The following SAMD5 variants were observed in gnomAD, a reference collection of about 807,000 sequenced individuals.
SAMD5 encodes the protein sterile alpha motif domain containing 5.
Under a neutral mutation model 11.3 loss-of-function variants are expected in SAMD5, and 13 were observed. The observed-to-expected ratio is 1.15, with a 90% CI of 0.75 to 1.83. SAMD5 has a LOEUF of 1.83. SAMD5 is among the 40% of genes most tolerant of loss of function. SAMD5 has a pLI of 0.00. For synonymous variants in SAMD5, 129 were observed against 111.3 expected (o/e 1.16, Z -1.00); for missense variants, 255 against 239.1 (o/e 1.07, Z -0.44).
chr6:147,912,133 T>G, the SAMD5 span, among the ~76,000 whole-genome samples: 1 of 152,032 alleles, frequency 6.6e-6, no homozygotes, highest in Non-Finnish European at 1.5e-5. Context: ...TCTATTTCTT[T>G]TTTTTTTTAT....
At chr6:147,829,184 G>A in the SAMD5 span, among the ~76,000 whole-genome samples, 1,069 of 152,258 alleles carry the variant, frequency 7.0e-3, 6 homozygotes, top group Non-Finnish European at 9.6e-3. Flanking sequence ...TATTCTCAGC[G>A]TTCGAATAAA....
the SAMD5 span, among the ~76,000 whole-genome samples, chr6:147,753,497 A>G: frequency 1.3e-5 from 2 of 152,192 alleles, no homozygotes; most frequent in Admixed American, 6.5e-5. Flanking sequence ...AATGTAAAAT[A>G]AGCATATCAT....
At position 147,568,629 on chromosome 6, in the gene SAMD5, G is replaced by C. The variant is rs181924997; in HGVS notation, c.*4173G>C. On this transcript the variant is annotated 3_prime_UTR_variant, in exon 2 of 2. Transcript: ENST00000367474. ...CTTGTGCTTACAGTAAAGCCATATA[G>C]ATGCACACATAGTGACTTTATTAAA... is the stretch of plus-strand genomic sequence containing the variant. 6 of 985,220 alleles carry C rather than the reference G, an allele frequency of 6.1e-6. No individual in the cohort carries two copies. In the Admixed American group the frequency reaches 3.1e-4, roughly 50 times the overall value. The allele number at this position is 985,220 out of a possible 1,614,324, so 61.0% of individuals were successfully genotyped here.
At chr6:147,593,697 A>T (rs1249059100) in intron 1 of SAMD5, among the ~76,000 whole-genome samples, 1 of 152,212 alleles carries the variant, frequency 6.6e-6, no homozygotes, top group Non-Finnish European at 1.5e-5. Context: ...CATCAAAGTT[A>T]GACTCTGCTG....
chr6:147,607,161 A>AT (rs1045911466), intron 1 of SAMD5, among the ~76,000 whole-genome samples: 5 of 152,082 alleles, frequency 3.3e-5, no homozygotes, highest in African/African-American at 9.7e-5. Flanking sequence ...AGAAGTTTGA[A>AT]TTTTTTTAAA....
intron 1 of SAMD5, among the ~76,000 whole-genome samples, chr6:147,648,827 A>C (rs1277439345): frequency 1.3e-5 from 2 of 152,220 alleles, no homozygotes; most frequent in African/African-American, 4.8e-5. Context: ...TTCTGCATTT[A>C]TGTACCAGTT....
At chr6:147,746,685 G>C in the SAMD5 span, among the ~76,000 whole-genome samples, 2 of 152,174 alleles carry the variant, frequency 1.3e-5, no homozygotes, top group African/African-American at 2.4e-5. Context: ...TATCATGGAA[G>C]GTCTCAGAAG....
At chr6:147,826,192 T>C in the SAMD5 span, among the ~76,000 whole-genome samples, 1 of 152,262 alleles carries the variant, frequency 6.6e-6, no homozygotes, top group African/African-American at 2.4e-5. Flanking sequence ...ATGTGCATTT[T>C]AGAAAGACAG....
intron 1 of SAMD5, among the ~76,000 whole-genome samples, chr6:147,718,982 C>A (rs572540513): frequency 6.6e-6 from 1 of 152,186 alleles, no homozygotes; most frequent in African/African-American, 2.4e-5. Flanking sequence ...TGAGCCACCG[C>A]GCCCGGCCGA....
At position 147,602,473 on chromosome 6, in the gene SAMD5, G is replaced by T. The variant is rs1789632650; in HGVS notation, c.162+93086G>T. On this transcript the variant is annotated intron_variant, in intron 1 of 1. Transcript: ENST00000566741. Reference sequence around the variant, plus strand: ...ATTCTCACCCAATAGGCCAGGCGTGGTGGCTCAGGCCTGTAATCCCAGCAC... The same window carrying T: ...ATTCTCACCCAATAGGCCAGGCGTGTTGGCTCAGGCCTGTAATCCCAGCAC... 3.3e-5 allele frequency among the ~76,000 whole-genome samples: 5 copies of T among 152,204 alleles called. No homozygotes were observed. In the South Asian group the frequency reaches 8.3e-4, roughly 25 times the overall value.
chr6:147,914,782 A>T, the SAMD5 span, among the ~76,000 whole-genome samples: 2 of 152,240 alleles, frequency 1.3e-5, no homozygotes, highest in African/African-American at 4.8e-5. Context: ...AATTATTGCC[A>T]TCAATGAGAC....
chr6:147,796,958 A>T, the SAMD5 span, among the ~76,000 whole-genome samples: 6 of 147,202 alleles, frequency 4.1e-5, no homozygotes, highest in Non-Finnish European at 8.9e-5. Context: ...CAGCTTAAGG[A>T]GATTTTGGGC....
At position 147,566,325 on chromosome 6, in the gene SAMD5, T is replaced by G; in HGVS notation, c.*1869T>G. 3.1e-6 allele frequency: 3 copies of G among 980,280 alleles called. No homozygotes were observed. Among genetic ancestry groups the G allele is most frequent in the Non-Finnish European group, 3.6e-6 (3 of 824,966 alleles). The allele number at this position is 980,280 out of a possible 1,614,324, so 60.7% of individuals were successfully genotyped here. On this transcript the variant is annotated 3_prime_UTR_variant, in exon 2 of 2. Transcript: ENST00000367474. ...CCAAATGAACTAGGGTCTTTAAAATTCCTAAGTAGATTCTTTTGAGTGGTA... is the reference window on the plus strand; with the variant it reads ...CCAAATGAACTAGGGTCTTTAAAATGCCTAAGTAGATTCTTTTGAGTGGTA...
At chr6:147,627,046 CCTTAGAACTA>C (rs1583112855) in intron 1 of SAMD5, among the ~76,000 whole-genome samples, 1 of 152,098 alleles carries the variant, frequency 6.6e-6, no homozygotes, top group East Asian at 1.9e-4. Context: ...AAGGCAATGG[CCTTAGAACTA>C]CTCAGAAAAT....
chr6:147,536,263 G>A lies in SAMD5; in HGVS notation c.459+26876G>A, dbSNP rs140732687. ...CTTCCAAAGTGCTGGAATTACAGGC[G>A]TGAGCCACTGCGTCCGGCCAAGAAA... On this transcript the variant is annotated intron_variant, in intron 1 of 1. Transcript: ENST00000367474. 5.6e-3 allele frequency among the ~76,000 whole-genome samples: 855 copies of A among 152,226 alleles called. 5 individuals carry two copies. The highest frequency in any genetic ancestry group is 0.02 in the African/African-American group (812 of 41,532).
chr6:147,525,193 C>G (rs1330471825), intron 1 of SAMD5, among the ~76,000 whole-genome samples: 2 of 150,474 alleles, frequency 1.3e-5, no homozygotes, highest in Non-Finnish European at 3.0e-5. Flanking sequence ...CCCTCAAGAA[C>G]TTATTGTGGC....
At chr6:147,705,509 C>G (rs1791313618) in intron 1 of SAMD5, among the ~76,000 whole-genome samples, 1 of 152,070 alleles carries the variant, frequency 6.6e-6, no homozygotes, top group Admixed American at 6.5e-5. Flanking sequence ...AAAGAAACTT[C>G]AGATTTCTGC....
rs140577406 is a variant in SAMD5 at position 147,731,048 on chromosome 6, G to A, written c.163-6269G>A. On this transcript the variant is annotated intron_variant, in intron 1 of 1. Transcript: ENST00000566741. ...AGGCGTGGCTCTTCTAAGCACTTAA[G>A]TAACTCAGTCTTCACCACCACCTTA... Among the ~76,000 whole-genome samples the A allele has an allele frequency of 1.1e-3, 163 of 152,270 alleles. 3 individuals are homozygous for A. Among genetic ancestry groups the A allele is most frequent in the African/African-American group, 3.6e-3 (151 of 41,548 alleles).
the SAMD5 span, among the ~76,000 whole-genome samples, chr6:147,856,985 G>A: frequency 6.6e-6 from 1 of 151,770 alleles, no homozygotes; most frequent in African/African-American, 2.4e-5. Context: ...CTTCTGCAGG[G>A]TGAAGAGAAG....
Sources: gnomAD v4.1 joint callset for allele counts (sites outside exome capture counted in the v4.1 genomes callset) on GRCh38, gnomAD v4.1.1 for gene constraint, MANE v1.5 for transcripts, NCBI Gene and HGNC (gene_info 2026-07-23, HGNC 2026-07-21) for gene names.